SLC24A2: variants seen among roughly 807,000 people sequenced by gnomAD.
SLC24A2 encodes the protein sodium/potassium/calcium exchanger 2.
In SLC24A2, 36 loss-of-function variants were observed where a neutral mutation model predicts 62.0. The observed-to-expected ratio is 0.58, with a 90% CI of 0.44 to 0.77. The LOEUF (loss-of-function observed/expected upper bound fraction) is 0.77, where lower values mean the gene tolerates loss of function less well. SLC24A2 is among the 30% of genes least tolerant of loss of function. The pLI, the probability that SLC24A2 is intolerant of heterozygous loss-of-function variation, is 0.00. For synonymous variants in SLC24A2, 358 were observed against 294.0 expected (o/e 1.22, Z -2.23); for missense variants, 846 against 817.9 (o/e 1.03, Z -0.42).
At chr9:19,934,542 C>T in the SLC24A2 span, among the ~76,000 whole-genome samples, 1 of 152,186 alleles carries the variant, frequency 6.6e-6, no homozygotes, top group Non-Finnish European at 1.5e-5. This position sits in a 1 kb window ranked among gnomAD's most constrained non-coding sequence, Gnocchi z 4.1. Context: ...CGTGCGCGCC[C>T]ATGGCGGGGC....
chr9:20,205,711 T>C, the SLC24A2 span, among the ~76,000 whole-genome samples: 7 of 150,360 alleles, frequency 4.7e-5, 1 homozygote, highest in Admixed American at 4.6e-4. Context: ...TATTCAGATT[T>C]AGGTATTTAG....
chr9:20,164,228 A>G, the SLC24A2 span, among the ~76,000 whole-genome samples: 1 of 151,994 alleles, frequency 6.6e-6, no homozygotes, highest in Non-Finnish European at 1.5e-5. Context: ...TTCACAACCT[A>G]CTCATCTGAC....
chr9:20,264,996 C>T, the SLC24A2 span, among the ~76,000 whole-genome samples: 3 of 152,208 alleles, frequency 2.0e-5, no homozygotes, highest in African/African-American at 7.2e-5. Flanking sequence ...GTGCTCCCAG[C>T]CCTGGTACAT....
chr9:20,265,100 G>A, the SLC24A2 span, among the ~76,000 whole-genome samples: 10 of 152,190 alleles, frequency 6.6e-5, no homozygotes, highest in East Asian at 1.9e-4. Flanking sequence ...CTCTTGCAGC[G>A]GGCTACAGCG....
At chr9:19,517,989 C>T (rs554211499) in intron 10 of SLC24A2, among the ~76,000 whole-genome samples, 15 of 150,992 alleles carry the variant, frequency 9.9e-5, no homozygotes, top group African/African-American at 1.5e-4. Flanking sequence ...TGAGTTTAAT[C>T]GCACTATAAA....
rs1284793629 is a variant in SLC24A2 at position 19,759,955 on chromosome 9, G to A, written c.930+25982C>T. ...ATTAATGTTTATCATCCTGCTTCCT[G>A]GCTTCTCAAGCAGTACAGATTTTGG... On this transcript the variant is annotated intron_variant, in intron 2 of 10. Transcript: ENST00000341998. Among the ~76,000 whole-genome samples, 43 of 152,002 alleles carry A rather than the reference G, an allele frequency of 2.8e-4. 1 individual carries two copies.
At chr9:19,585,063 T>C (rs747300116) in intron 5 of SLC24A2, among the ~76,000 whole-genome samples, 18 of 152,152 alleles carry the variant, frequency 1.2e-4, no homozygotes, top group Non-Finnish European at 2.1e-4. Context: ...TCTCAAGTGG[T>C]GACCAAACCC....
intron 6 of SLC24A2, among the ~76,000 whole-genome samples, chr9:19,573,678 G>A (rs143942490): frequency 5.3e-5 from 8 of 152,180 alleles, no homozygotes; most frequent in East Asian, 3.9e-4. Flanking sequence ...TGAGCCAAGC[G>A]GGAAAGGATT....
In SLC24A2 at chr9:19,786,621, G is replaced by C; in HGVS notation, c.246C>G (p.Tyr82Ter). ...VVSGPRVAQG[Y>*]HQRTLLDLND... ...TTAAATCTAAGAGAGTTCTCTGATG[G>C]TAACCCTGTGCTACCCTAGGGCCAC... The change falls in exon 2 of 11, where the codon TAC becomes TAG. Residue 82 changes from tyrosine (Y) to a stop codon, truncating the protein, a stop_gained. Coordinates refer to ENST00000341998, the MANE Select transcript of SLC24A2 (RefSeq NM_020344.4). LOFTEE classifies it high-confidence loss of function. The surrounding 1 kb of genome is among the most constrained non-coding windows in gnomAD (Gnocchi z 5.0). 6.2e-7 allele frequency: 1 copy of C among 1,614,096 alleles called. No homozygotes were observed. Among genetic ancestry groups the C allele is most frequent in the Non-Finnish European group, 8.5e-7 (1 of 1,180,006 alleles).
the SLC24A2 span, chr9:19,967,287 A>G: frequency 6.6e-6 from 1 of 152,088 alleles, no homozygotes; most frequent in African/African-American, 2.4e-5. Context: ...TCATAACCTC[A>G]TCCATTCCTT....
chr9:19,907,715 G>T, the SLC24A2 span, among the ~76,000 whole-genome samples: 4 of 152,324 alleles, frequency 2.6e-5, no homozygotes, highest in East Asian at 5.8e-4. Context: ...GCCAAATCAT[G>T]AGTGAACTCT....
the SLC24A2 span, among the ~76,000 whole-genome samples, chr9:20,014,313 G>A: frequency 1.1e-4 from 17 of 152,128 alleles, no homozygotes; most frequent in South Asian, 3.3e-3. Context: ...GTGAAAAGCA[G>A]TGTAGACAGT....
the SLC24A2 span, among the ~76,000 whole-genome samples, chr9:20,188,374 C>A: frequency 6.6e-6 from 1 of 152,062 alleles, no homozygotes; most frequent in East Asian, 1.9e-4. Flanking sequence ...GTCAGGGGCA[C>A]CCATTAGGAA....
intron 2 of SLC24A2, among the ~76,000 whole-genome samples, chr9:19,756,771 C>T (rs2383119): frequency 0.2 from 29,689 of 151,934 alleles, 3,488 homozygotes; most frequent in South Asian, 0.3. Flanking sequence ...TCACTTCAAT[C>T]GGAAAAAGAT....
chr9:20,278,071 C>T, the SLC24A2 span, among the ~76,000 whole-genome samples: 43 of 151,858 alleles, frequency 2.8e-4, no homozygotes, highest in African/African-American at 8.0e-4. Flanking sequence ...GAACATCACA[C>T]GCCAGGGTCT....
chr9:19,935,911 A>T, the SLC24A2 span, among the ~76,000 whole-genome samples: 24 of 152,346 alleles, frequency 1.6e-4, no homozygotes, highest in East Asian at 4.4e-3. Flanking sequence ...GGAGACGAGG[A>T]GAAAAAGCTT....
At chr9:20,292,114 C>G in the SLC24A2 span, among the ~76,000 whole-genome samples, 1 of 152,188 alleles carries the variant, frequency 6.6e-6, no homozygotes, top group African/African-American at 2.4e-5. Flanking sequence ...AACCGCAACA[C>G]AGCAGAGGGT....
chr9:20,010,481 T>C, the SLC24A2 span, among the ~76,000 whole-genome samples: 2 of 151,992 alleles, frequency 1.3e-5, no homozygotes, highest in African/African-American at 2.4e-5. Context: ...CATAAAAAAA[T>C]ATGGATACAA....
the SLC24A2 span, among the ~76,000 whole-genome samples, chr9:19,829,810 TACACACACACACAC>T: frequency 2.9e-5 from 1 of 34,142 alleles, no homozygotes; most frequent in African/African-American, 4.9e-5. Flanking sequence ...TATATATATA[TACACACACACACAC>T]ACACACACAC....
Sources: gnomAD v4.1 joint callset for allele counts (sites outside exome capture counted in the v4.1 genomes callset) on GRCh38, gnomAD v4.1.1 for gene constraint, Gnocchi (gnomAD v3.1) non-coding constraint, MANE v1.5 for transcripts, NCBI Gene and HGNC (gene_info 2026-07-23, HGNC 2026-07-21) for gene names.